The following CSMD1 variants were observed in gnomAD, a reference collection of about 807,000 sequenced individuals.
CSMD1 encodes CUB and sushi domain-containing protein 1.
In CSMD1, 213 loss-of-function variants were observed where a neutral mutation model predicts 417.5. That is an observed-to-expected ratio of 0.51 (90% CI 0.46 to 0.57). The LOEUF (loss-of-function observed/expected upper bound fraction) is 0.57. Ranked by LOEUF, CSMD1 falls within the 20% of genes least tolerant of loss-of-function variation. The probability of loss-of-function intolerance (pLI) is 0.00; values close to 1 mark genes in which losing one functional copy is unlikely to be tolerated. For synonymous variants in CSMD1, 2,862 were observed against 1,736.8 expected (o/e 1.65, Z -16.11); for missense variants, 6,923 against 4,529.7 (o/e 1.53, Z -15.17).
chr8:4,769,665 G>C (rs538525027), intron 1 of CSMD1, among the ~76,000 whole-genome samples: 11 of 152,280 alleles, frequency 7.2e-5, no homozygotes, highest in African/African-American at 1.7e-4. Flanking sequence ...GGCTTGGAAA[G>C]GCTGACGGAT....
At chr8:4,520,738 C>G (rs1009086158) in intron 2 of CSMD1, among the ~76,000 whole-genome samples, 2 of 152,040 alleles carry the variant, frequency 1.3e-5, no homozygotes, top group African/African-American at 4.8e-5. Flanking sequence ...TTATTTAACT[C>G]TAATTGAATT....
At chr8:3,338,940 T>G (rs1440856588) in intron 23 of CSMD1, among the ~76,000 whole-genome samples, 2 of 151,160 alleles carry the variant, frequency 1.3e-5, no homozygotes, top group East Asian at 2.0e-4. Flanking sequence ...ACCCACTAAC[T>G]CGTCATCTAG....
chr8:3,595,646 A>G (rs1326129327), intron 8 of CSMD1, among the ~76,000 whole-genome samples: 1 of 152,204 alleles, frequency 6.6e-6, no homozygotes, highest in African/African-American at 2.4e-5. Context: ...GGCAATTTCC[A>G]GCTGTGACTA....
rs556169952 is a variant in CSMD1 at position 4,612,977 on chromosome 8, C to G, written c.302+24365G>C. 4.6e-5 allele frequency among the ~76,000 whole-genome samples: 7 copies of G among 152,200 alleles called. No individual in the cohort carries two copies. The East Asian group carries it at 1.2e-3, about 25-fold the overall frequency. ...ACACAGGGACTAGAGATATAACAGTCCCTGCAAAACTGATCTCATAACATT... is the reference window on the plus strand; with the variant it reads ...ACACAGGGACTAGAGATATAACAGTGCCTGCAAAACTGATCTCATAACATT... On this transcript the variant is annotated intron_variant, in intron 2 of 69. Transcript: ENST00000635120.
At chr8:3,906,854 A>G (rs1169678426) in intron 5 of CSMD1, among the ~76,000 whole-genome samples, 1 of 152,140 alleles carries the variant, frequency 6.6e-6, no homozygotes, top group Non-Finnish European at 1.5e-5. Flanking sequence ...GTCATTTTGT[A>G]CATAAAGTAA....
intron 52 of CSMD1, among the ~76,000 whole-genome samples, chr8:3,001,578 C>T (rs1363062048): frequency 1.3e-5 from 2 of 152,080 alleles, no homozygotes; most frequent in African/African-American, 4.8e-5. Context: ...TTTCTTTTTG[C>T]TTAATTCACA....
At chr8:4,771,499 T>A (rs1585073390) in intron 1 of CSMD1, among the ~76,000 whole-genome samples, 2 of 152,358 alleles carry the variant, frequency 1.3e-5, no homozygotes, top group Middle Eastern at 3.4e-3. Flanking sequence ...GCAGTTATGC[T>A]GCATTACTGA....
chr8:4,508,953 G>C (rs191749504), intron 2 of CSMD1, among the ~76,000 whole-genome samples: 1 of 152,232 alleles, frequency 6.6e-6, no homozygotes. Flanking sequence ...CCAATGTGAG[G>C]GCAGCCTGAG....
intron 2 of CSMD1, among the ~76,000 whole-genome samples, chr8:4,631,285 C>T (rs1163453232): frequency 1.4e-4 from 21 of 152,202 alleles, no homozygotes; most frequent in Admixed American, 1.4e-3. Flanking sequence ...TCGCTGGAAC[C>T]TGGGAGGCAG....
chr8:3,549,812 C>T (rs959281336), intron 10 of CSMD1, among the ~76,000 whole-genome samples: 1 of 152,144 alleles, frequency 6.6e-6, no homozygotes, highest in East Asian at 1.9e-4. Flanking sequence ...CTCCCTTTCT[C>T]TATAAACCAC....
rs543172051 is a variant in CSMD1 at position 3,401,813 on chromosome 8, A to T, written c.2267-2284T>A. On this transcript the variant is annotated intron_variant, in intron 15 of 69. Transcript: ENST00000635120. ...TGACAAGGTTCCTTTAATCTACAAG[A>T]TTCAAGAAAAGACATTCCACCTGAT... Among the ~76,000 whole-genome samples, 6 of 152,312 alleles carry T rather than the reference A, an allele frequency of 3.9e-5. No individual in the cohort carries two copies. The South Asian group carries it at 1.2e-3, about 32-fold the overall frequency.
At chr8:4,611,678 G>T (rs920126786) in intron 2 of CSMD1, among the ~76,000 whole-genome samples, 1 of 152,076 alleles carries the variant, frequency 6.6e-6, no homozygotes, top group Non-Finnish European at 1.5e-5. Context: ...TTCATTTACT[G>T]TGTGTTTTCA....
chr8:3,011,930 C>G (rs955103183), intron 52 of CSMD1, among the ~76,000 whole-genome samples: 1 of 152,104 alleles, frequency 6.6e-6, no homozygotes, highest in African/African-American at 2.4e-5. Flanking sequence ...CACAAACTTC[C>G]TGGGTGGATT....
chr8:3,003,125 T>C (rs1205527155), intron 52 of CSMD1, among the ~76,000 whole-genome samples: 8 of 152,200 alleles, frequency 5.3e-5, no homozygotes, highest in African/African-American at 1.9e-4. Context: ...CCAATTATAG[T>C]CTATTACAAA....
intron 3 of CSMD1, among the ~76,000 whole-genome samples, chr8:4,353,969 T>C (rs1285164790): frequency 3.9e-5 from 6 of 152,304 alleles, no homozygotes; most frequent in East Asian, 1.9e-4. Flanking sequence ...TATGATGATA[T>C]ATTGTTTCAC....
chr8:3,822,568 A>G (rs997919879), intron 5 of CSMD1, among the ~76,000 whole-genome samples: 1 of 152,148 alleles, frequency 6.6e-6, no homozygotes. Flanking sequence ...CGCCTCTATC[A>G]CTTCATGGGT....
chr8:4,620,442 A>G (rs991638643), intron 2 of CSMD1, among the ~76,000 whole-genome samples: 1 of 151,632 alleles, frequency 6.6e-6, no homozygotes, highest in Non-Finnish European at 1.5e-5. Context: ...TTGCTAAATA[A>G]TCATAGATAA....
At chr8:4,010,444 C>G (rs1366080664) in intron 4 of CSMD1, among the ~76,000 whole-genome samples, 1 of 152,144 alleles carries the variant, frequency 6.6e-6, no homozygotes, top group African/African-American at 2.4e-5. Context: ...CACAGGTAAT[C>G]CTGGGAAAAA....
At chr8:3,073,331 A>T (rs1813436914) in intron 49 of CSMD1, among the ~76,000 whole-genome samples, 1 of 115,156 alleles carries the variant, frequency 8.7e-6, no homozygotes, top group Non-Finnish European at 2.2e-5. Context: ...TAAATCAGCA[A>T]AAAAAAATTA....
Sources: gnomAD v4.1 joint callset for allele counts (sites outside exome capture counted in the v4.1 genomes callset) on GRCh38, gnomAD v4.1.1 for gene constraint, MANE v1.5 for transcripts, NCBI Gene and HGNC (gene_info 2026-07-23, HGNC 2026-07-21) for gene names.